Variants in CPVL observed in about 807,000 individuals in gnomAD.
CPVL encodes the protein carboxypeptidase vitellogenic like.
A neutral mutation model predicts 63.7 loss-of-function variants in CPVL; 51 were observed. The ratio of observed to expected loss-of-function variants is 0.80; its 90% CI spans 0.64 to 1.01. The LOEUF (loss-of-function observed/expected upper bound fraction) is 1.01. Ranked by LOEUF, CPVL falls within the 50% of genes least tolerant of loss-of-function variation. CPVL has a pLI of 0.00. For missense variants in CPVL, 530 were observed against 573.1 expected, an observed-to-expected ratio of 0.92 and a Z score of 0.77; for synonymous variants, 195 against 206.0, an observed-to-expected ratio of 0.95 and a Z score of 0.46.
intron 1 of CPVL, among the ~76,000 whole-genome samples, chr7:29,188,271 A>C (rs1415124118): frequency 1.3e-5 from 2 of 152,170 alleles, no homozygotes; most frequent in Non-Finnish European, 2.9e-5. Context: ...TTATTAACCC[A>C]TTTTAGAGAC....
chr7:29,167,535 G>A (rs188538178), intron 5 of CPVL, among the ~76,000 whole-genome samples: 55 of 152,212 alleles, frequency 3.6e-4, no homozygotes, highest in African/African-American at 1.2e-3. Flanking sequence ...ATCTTAGAGT[G>A]GTATTGCTGA....
In CPVL at chr7:29,141,054, C is replaced by T. The variant is rs375633467; in HGVS notation, c.-11+5375G>A. Among the ~76,000 whole-genome samples, 72 of 152,246 alleles carry T rather than the reference C, an allele frequency of 4.7e-4. 2 individuals carry two copies. The highest frequency in any genetic ancestry group is 1.7e-3 in the African/African-American group (69 of 41,522). ...TTCAAGAAGTTGGGTGAAAACAAGG[C>T]ACAATCAGAGGGCAGACATCCTGCC... On this transcript the variant is annotated intron_variant, in intron 1 of 12. Transcript: ENST00000265394.
intron 6 of CPVL, among the ~76,000 whole-genome samples, chr7:29,091,780 C>CG (rs1554337894): frequency 6.6e-6 from 1 of 152,140 alleles, no homozygotes; most frequent in Non-Finnish European, 1.5e-5. Flanking sequence ...TCTCTCCCCC[C>CG]GGCCACCTAT....
At chr7:29,019,776 T>G (rs1786770440) in intron 12 of CPVL, among the ~76,000 whole-genome samples, 1 of 152,168 alleles carries the variant, frequency 6.6e-6, no homozygotes, top group Admixed American at 6.5e-5. Flanking sequence ...GGAGTGCTTT[T>G]CCCTCCTCAT....
chr7:28,999,129 T>A (rs1784365645), intron 12 of CPVL, among the ~76,000 whole-genome samples: 1 of 151,326 alleles, frequency 6.6e-6, no homozygotes, highest in South Asian at 2.1e-4. Context: ...GGAGAATCAC[T>A]TGAACCTGGG....
chr7:29,120,806 G>A (rs1562779084), intron 2 of CPVL, 87 bp downstream of exon 2: 17 of 1,336,458 alleles, frequency 1.3e-5, no homozygotes, highest in Middle Eastern at 2.6e-4. Context: ...AGTGACAGGC[G>A]AGACTTCGTC....
At chr7:29,016,242 T>C (rs997062804) in intron 12 of CPVL, among the ~76,000 whole-genome samples, 4 of 151,926 alleles carry the variant, frequency 2.6e-5, no homozygotes, top group African/African-American at 9.7e-5. Flanking sequence ...TCCCAGCTAC[T>C]TGGGAGGCTG....
chr7:29,028,348 T>C (rs1251804460), intron 12 of CPVL, among the ~76,000 whole-genome samples: 1 of 151,962 alleles, frequency 6.6e-6, no homozygotes, highest in African/African-American at 2.4e-5. Flanking sequence ...AAGCTCAAAA[T>C]GGATTAAAGA....
intron 1 of CPVL, chr7:29,193,600 G>A (rs1783178175): frequency 6.6e-6 from 1 of 152,096 alleles, no homozygotes; most frequent in African/African-American, 2.4e-5. Context: ...TAGCCCGCTG[G>A]GAGCGTGAAA....
chr7:29,064,173 A>G lies in CPVL; in HGVS notation c.1025T>C (p.Ile342Thr). ...FLSLPEVRQA[I>T]HVGNQTFNDG... ...ATTAAAAGTCTGATTCCCCACGTGG[A>G]TGGCTTGTCTCACCTCTGGGAGTGA... Residue 342 changes from isoleucine (I) to threonine (T), a missense_variant, in exon 11 of 13, where the codon ATC becomes ACC. Ile to Thr is a moderately conservative substitution (Grantham distance 89, BLOSUM62 -1). Transcript: ENST00000265394. 2 of 1,613,408 alleles carry G rather than the reference A, an allele frequency of 1.2e-6. No individual in the cohort carries two copies. The highest frequency in any genetic ancestry group is 1.7e-6 in the Non-Finnish European group (2 of 1,179,380).
chr7:29,096,382 T>C (rs1284769728), intron 3 of CPVL, 165 bp from the exon 4 acceptor site: 3 of 611,906 alleles, frequency 4.9e-6, no homozygotes, highest in Admixed American at 2.8e-5. Flanking sequence ...AGCAAAGTAC[T>C]GATCATCTTT....
At chr7:29,120,517 GTTAC>G (rs754130289) in intron 2 of CPVL, among the ~76,000 whole-genome samples, 4 of 151,910 alleles carry the variant, frequency 2.6e-5, no homozygotes, top group Non-Finnish European at 5.9e-5. Flanking sequence ...CATCCTATGG[GTTAC>G]TTGTTTTAAG....
intron 11 of CPVL, among the ~76,000 whole-genome samples, chr7:29,050,507 C>T (rs944932022): frequency 3.3e-5 from 5 of 151,956 alleles, no homozygotes; most frequent in African/African-American, 1.2e-4. Context: ...TAAAATGGCC[C>T]AGATACTTTG....
chr7:29,089,910 T>A (rs1211465155), intron 6 of CPVL, among the ~76,000 whole-genome samples: 1 of 151,852 alleles, frequency 6.6e-6, no homozygotes, highest in South Asian at 2.1e-4. Context: ...TTGCCCAGGC[T>A]GCAGTGCAGT....
At chr7:29,067,286 G>A (rs753644185) in intron 9 of CPVL, among the ~76,000 whole-genome samples, 4 of 152,162 alleles carry the variant, frequency 2.6e-5, no homozygotes, top group African/African-American at 4.8e-5. Context: ...CAGGAATTAT[G>A]ACAAGAATAA....
chr7:29,085,302 G>C (rs533385001), intron 7 of CPVL, among the ~76,000 whole-genome samples: 1 of 152,160 alleles, frequency 6.6e-6, no homozygotes, highest in African/African-American at 2.4e-5. Context: ...AATGGGGACC[G>C]GTCAAAAGGG....
chr7:29,192,835 C>A (rs760450623), intron 1 of CPVL: 1 of 152,132 alleles, frequency 6.6e-6, no homozygotes, highest in East Asian at 1.9e-4. Flanking sequence ...AAAATTCTAC[C>A]GGGCGACATA....
chr7:29,075,638 G>C (rs317716), intron 7 of CPVL, among the ~76,000 whole-genome samples: 64,999 of 151,404 alleles, frequency 0.43, 15,539 homozygotes, highest in South Asian at 0.52. Context: ...TTGCTAAGCT[G>C]ATCATTTATG....
chr7:29,155,369 A>C (rs537189175), intron 5 of CPVL, among the ~76,000 whole-genome samples: 2 of 152,328 alleles, frequency 1.3e-5, no homozygotes, highest in East Asian at 3.9e-4. Flanking sequence ...GAAAAGAAAG[A>C]AATTAAAAGG....
Sources: gnomAD v4.1 joint callset for allele counts (sites outside exome capture counted in the v4.1 genomes callset) on GRCh38, gnomAD v4.1.1 for gene constraint, MANE v1.5 for transcripts, NCBI Gene and HGNC (gene_info 2026-07-23, HGNC 2026-07-21) for gene names.